Variants in ATXN7L1 observed in about 807,000 individuals in gnomAD.
ATXN7L1 encodes ataxin 7 like 1, also known as ataxin-7-like protein 1.
ATXN7L1 carries 15 observed loss-of-function variants against 70.8 expected under a neutral mutation model. That is an observed-to-expected ratio of 0.21 (90% CI 0.14 to 0.33). ATXN7L1 has a LOEUF of 0.33. Among genes scored for constraint, ATXN7L1 ranks in the 10% least tolerant of loss-of-function variants. The pLI is 1.00. For synonymous variants in ATXN7L1, 440 were observed against 445.1 expected (o/e 0.99, Z 0.14); for missense variants, 975 against 1,097.1 (o/e 0.89, Z 1.57).
chr7:105,653,327 A>G (rs189605411), intron 4 of ATXN7L1, among the ~76,000 whole-genome samples: 168 of 152,234 alleles, frequency 1.1e-3, no homozygotes, highest in African/African-American at 3.9e-3. Context: ...GTATGCCGGT[A>G]ATCCCAGCTA....
At chr7:105,611,775 G>A (rs189601954) in intron 10 of ATXN7L1, among the ~76,000 whole-genome samples, 152 of 152,300 alleles carry the variant, frequency 1.0e-3, no homozygotes, top group African/African-American at 3.0e-3. Context: ...TGTTCTCAAA[G>A]CAAAGGTTTA....
intron 3 of ATXN7L1, among the ~76,000 whole-genome samples, chr7:105,673,715 G>A (rs1316784917): frequency 6.6e-6 from 1 of 152,220 alleles, no homozygotes; most frequent in Non-Finnish European, 1.5e-5. Flanking sequence ...CAGGCCAGCT[G>A]TACTTACAGC....
chr7:105,822,440 C>T (rs1359177151), intron 2 of ATXN7L1, among the ~76,000 whole-genome samples: 1 of 152,160 alleles, frequency 6.6e-6, no homozygotes, highest in Non-Finnish European at 1.5e-5. Flanking sequence ...GAGAGACTTT[C>T]ACTGTTTCAT....
intron 2 of ATXN7L1, among the ~76,000 whole-genome samples, chr7:105,806,587 G>A (rs750509773): frequency 2.0e-5 from 3 of 152,102 alleles, no homozygotes; most frequent in Non-Finnish European, 4.4e-5. Context: ...ATGAGCAAGC[G>A]GGGGCCAAGC....
At chr7:105,624,550 T>C (rs975786097) in intron 7 of ATXN7L1, among the ~76,000 whole-genome samples, 4 of 149,108 alleles carry the variant, frequency 2.7e-5, no homozygotes, top group African/African-American at 7.4e-5. Context: ...CTCAGGAGGC[T>C]GAGGCAGGGG....
chr7:105,698,433 T>C (rs1026824361), intron 3 of ATXN7L1, among the ~76,000 whole-genome samples: 1 of 152,158 alleles, frequency 6.6e-6, no homozygotes, highest in Non-Finnish European at 1.5e-5. Flanking sequence ...GGTGTGACCA[T>C]TGCTCACTGC....
At chr7:105,864,444 G>A (rs113264683) in intron 2 of ATXN7L1, among the ~76,000 whole-genome samples, 20,674 of 118,586 alleles carry the variant, frequency 0.17, 1,968 homozygotes, top group South Asian at 0.42. Context: ...GTGGCAGAGA[G>A]AGGCCCTGTC....
chr7:105,769,584 TG>T (rs1383236262), intron 3 of ATXN7L1, among the ~76,000 whole-genome samples: 1 of 152,002 alleles, frequency 6.6e-6, no homozygotes, highest in African/African-American at 2.4e-5. Flanking sequence ...GAAGCCTGAG[TG>T]TAGGGTGACC....
chr7:105,874,122 T>TAAA (rs1818678261), intron 2 of ATXN7L1, among the ~76,000 whole-genome samples: 1 of 60,406 alleles, frequency 1.7e-5, no homozygotes, highest in Admixed American at 1.8e-4. Flanking sequence ...AGAATCCGTA[T>TAAA]CAAAAAAAAA....
At chr7:105,789,069 G>C (rs539413435) in intron 2 of ATXN7L1, among the ~76,000 whole-genome samples, 2 of 152,290 alleles carry the variant, frequency 1.3e-5, no homozygotes, top group East Asian at 3.9e-4. Flanking sequence ...CAGGATGCGG[G>C]GAACTCCCCC....
intron 3 of ATXN7L1, among the ~76,000 whole-genome samples, chr7:105,674,307 T>C (rs1442723261): frequency 6.6e-6 from 1 of 152,184 alleles, no homozygotes; most frequent in African/African-American, 2.4e-5. Flanking sequence ...GGTCACCCCA[T>C]GCACATTCAT....
At chr7:105,809,130 G>C (rs1206723172) in intron 2 of ATXN7L1, among the ~76,000 whole-genome samples, 1 of 152,180 alleles carries the variant, frequency 6.6e-6, no homozygotes, top group Non-Finnish European at 1.5e-5. Flanking sequence ...GAAGTCAGAG[G>C]CTTCATTCTT....
intron 7 of ATXN7L1, among the ~76,000 whole-genome samples, chr7:105,626,713 C>T (rs1983256): frequency 0.015 from 2,227 of 152,124 alleles, 26 homozygotes; most frequent in Middle Eastern, 0.048. Context: ...GTCTGCTTAC[C>T]GCTGAAGACC....
At chr7:105,859,515 C>T (rs879039687) in intron 2 of ATXN7L1, among the ~76,000 whole-genome samples, 1 of 151,946 alleles carries the variant, frequency 6.6e-6, no homozygotes, top group South Asian at 2.1e-4. Context: ...TTTACTGTAC[C>T]TTTTCTATGT....
intron 3 of ATXN7L1, among the ~76,000 whole-genome samples, chr7:105,757,119 G>T (rs140595420): frequency 6.6e-6 from 1 of 152,220 alleles, no homozygotes; most frequent in African/African-American, 2.4e-5. Context: ...GGGAATAAAA[G>T]AAATTAGGCG....
At chr7:105,871,536 A>C (rs1267143025) in intron 2 of ATXN7L1, among the ~76,000 whole-genome samples, 1 of 151,972 alleles carries the variant, frequency 6.6e-6, no homozygotes, top group African/African-American at 2.4e-5. Flanking sequence ...ACATGGTGAA[A>C]CCCATCTCTA....
At chr7:105,845,997 T>C (rs1325951215) in intron 2 of ATXN7L1, among the ~76,000 whole-genome samples, 2 of 152,200 alleles carry the variant, frequency 1.3e-5, no homozygotes, top group Non-Finnish European at 2.9e-5. Flanking sequence ...CAATGGTTTC[T>C]TAGATATAAC....
At chr7:105,636,377 G>A (rs180727461) in intron 7 of ATXN7L1, among the ~76,000 whole-genome samples, 12 of 149,488 alleles carry the variant, frequency 8.0e-5, no homozygotes, top group South Asian at 2.2e-4. Context: ...CCTGGGCCAC[G>A]GAATGAAACT....
intron 2 of ATXN7L1, among the ~76,000 whole-genome samples, chr7:105,830,699 G>A (rs1025151458): frequency 5.9e-5 from 9 of 152,230 alleles, no homozygotes; most frequent in African/African-American, 2.2e-4. Context: ...TTCTCTAAGA[G>A]GCAGCTAGAA....
Sources: allele counts gnomAD v4.1 joint callset (sites outside exome capture counted in the v4.1 genomes callset), GRCh38; gene constraint gnomAD v4.1.1; transcripts MANE v1.5; gene names NCBI Gene and HGNC (gene_info 2026-07-23, HGNC 2026-07-21).